CDH23: variants seen among roughly 807,000 people sequenced by gnomAD.
CDH23 encodes the protein cadherin related 23.
CDH23 carries 189 observed loss-of-function variants against 317.1 expected under a neutral mutation model. That is an observed-to-expected ratio of 0.60 (90% CI 0.53 to 0.67). The LOEUF (loss-of-function observed/expected upper bound fraction) is 0.67, where lower values mean the gene tolerates loss of function less well. Among genes scored for constraint, CDH23 ranks in the 30% least tolerant of loss-of-function variants. The pLI, the probability that CDH23 is intolerant of heterozygous loss-of-function variation, is 0.00. For missense variants in CDH23, 4,401 were observed against 4,592.4 expected (o/e 0.96, Z 1.20); for synonymous variants, 1,839 against 1,876.8 (o/e 0.98, Z 0.52).
chr10:71,788,701 C>T (rs1056840877), intron 44 of CDH23, among the ~76,000 whole-genome samples: 1 of 152,160 alleles, frequency 6.6e-6, no homozygotes, highest in African/African-American at 2.4e-5. Context: ...GTGATCTGCC[C>T]GTCTTGGCCT....
chr10:71,605,242 CTT>C (rs36101075), intron 9 of CDH23, among the ~76,000 whole-genome samples: 1 of 147,760 alleles, frequency 6.8e-6, no homozygotes, highest in South Asian at 2.1e-4. Context: ...TTGTATTGAC[CTT>C]TTTTTTTTAA....
At position 71,724,081 on chromosome 10, in the gene CDH23, C is replaced by T. The variant is rs996942254; in HGVS notation, c.3406C>T (p.Arg1136Cys). ...GGACGCAGATGAGGGCGAGTTTGGG[C>T]GTGTGTGGTACCGCATCCTCCATGG... ...ATDADEGEFG[R>C]VWYRILHGNH... Residue 1136 changes from arginine to cysteine, a missense_variant, in exon 29 of 70, where the codon CGT (arginine) becomes TGT (cysteine). Transcript: ENST00000224721. The T allele has an allele frequency of 6.4e-6, 10 of 1,559,774 alleles. No homozygotes were observed. Among genetic ancestry groups the T allele is most frequent in the Non-Finnish European group, 8.7e-6 (10 of 1,151,624 alleles).
At chr10:71,569,870 T>C (rs1857661282) in intron 7 of CDH23, among the ~76,000 whole-genome samples, 1 of 151,790 alleles carries the variant, frequency 6.6e-6, no homozygotes, top group African/African-American at 2.4e-5. Context: ...TTTGGAGTTT[T>C]CTTTCTTGCC....
chr10:71,658,942 GGCT>G (rs1863529814), intron 14 of CDH23, among the ~76,000 whole-genome samples: 1 of 152,140 alleles, frequency 6.6e-6, no homozygotes, highest in South Asian at 2.1e-4. Flanking sequence ...GCAGGTCCAT[GGCT>G]GAAGGGGCCT....
intron 6 of CDH23, among the ~76,000 whole-genome samples, chr10:71,557,444 G>A (rs911025341): frequency 1.3e-5 from 2 of 152,108 alleles, no homozygotes; most frequent in Non-Finnish European, 2.9e-5. Flanking sequence ...ATGTGGGGTG[G>A]GCATTGGAGA....
chr10:71,543,247 A>C (rs1856082345), intron 6 of CDH23, among the ~76,000 whole-genome samples: 1 of 152,186 alleles, frequency 6.6e-6, no homozygotes, highest in Non-Finnish European at 1.5e-5. Flanking sequence ...TCACTTCTGC[A>C]GCCCAGTATG....
intron 9 of CDH23, among the ~76,000 whole-genome samples, chr10:71,602,592 G>C (rs1055721355): frequency 6.6e-6 from 1 of 152,054 alleles, no homozygotes; most frequent in Non-Finnish European, 1.5e-5. Flanking sequence ...GAAGTTTCAG[G>C]GGCACCAACC....
chr10:71,472,527 C>G (rs1851571515), intron 3 of CDH23, among the ~76,000 whole-genome samples: 1 of 152,242 alleles, frequency 6.6e-6, no homozygotes, highest in African/African-American at 2.4e-5. Flanking sequence ...GGACTGTCCC[C>G]TCTGCTTGTA....
chr10:71,734,600 C>A lies in CDH23; in HGVS notation c.4207-56C>A. The stretch of plus-strand genomic sequence containing the variant: ...TCTGGAAGAGCCACAGACGGCTAAC[C>A]ATTTGCATCTTTGCCTTTTCTCTCA... On this transcript the variant is annotated intron_variant, in intron 33 of 69. Transcript: ENST00000224721. 3.8e-6 allele frequency: 6 copies of A among 1,588,202 alleles called. No homozygotes were observed. The South Asian group carries it at 4.4e-5, about 12-fold the overall frequency.
At chr10:71,810,806 C>T (rs879664748) in intron 62 of CDH23, among the ~76,000 whole-genome samples, 1 of 152,084 alleles carries the variant, frequency 6.6e-6, no homozygotes, top group African/African-American at 2.4e-5. Context: ...TCAGGCCATG[C>T]GCAGTGGCTC....
At chr10:71,661,905 G>A (rs58207531) in intron 14 of CDH23, among the ~76,000 whole-genome samples, 2,584 of 113,502 alleles carry the variant, frequency 0.023, 121 homozygotes, top group African/African-American at 0.084. Context: ...CCCACCCAGC[G>A]CGCCCCCTTC....
Position 71,810,010 on chromosome 10 carries a change from CGAG to C in CDH23, c.8920_8922del (p.Glu2974del), listed in dbSNP as rs775037111. 12 of 1,612,570 alleles carry C rather than the reference CGAG, an allele frequency of 7.4e-6. No individual in the cohort carries two copies. Among genetic ancestry groups the C allele is most frequent in the East Asian group, 2.2e-5 (1 of 44,888 alleles). ...AGATCCCCGACCGTGTGCGCGGCTT[CGAG>C]GAGGAGTTCATCCACCTGCTCTCCA... On this transcript the variant is annotated inframe_deletion, in exon 61 of 70. Coordinates refer to ENST00000224721, the MANE Select transcript of CDH23 (RefSeq NM_022124.6).
At chr10:71,611,186 C>T (rs1011943725) in intron 9 of CDH23, among the ~76,000 whole-genome samples, 2 of 152,066 alleles carry the variant, frequency 1.3e-5, no homozygotes, top group Non-Finnish European at 1.5e-5. Context: ...AAGCCCACAG[C>T]GCCTGTGGAG....
At chr10:71,722,369 G>A (rs1338553234) in intron 28 of CDH23, among the ~76,000 whole-genome samples, 2 of 152,232 alleles carry the variant, frequency 1.3e-5, no homozygotes, top group Non-Finnish European at 2.9e-5. Context: ...CAAACAGGGA[G>A]CGAGGCACAG....
Position 71,706,961 on chromosome 10 carries a change from G to C in CDH23, c.3018G>C (p.Glu1006Asp). Residue 1006 changes from glutamate to aspartate, a missense_variant, in exon 26 of 70, where the codon GAG (glutamate) becomes GAC (aspartate). Physicochemically the swap from Glu to Asp is conservative, Grantham distance 45. Coordinates refer to ENST00000224721, the MANE Select transcript of CDH23 (RefSeq NM_022124.6). Reference protein sequence around the residue: ...FPAVYNVSVSEDVPREFRVVW... With the variant: ...FPAVYNVSVSDDVPREFRVVW... ...CCGTGTACAATGTGTCTGTGTCCGA[G>C]GACGTGCCACGCGAGTTCCGGGTGG... is the stretch of plus-strand genomic sequence containing the variant. 6.2e-7 allele frequency: 1 copy of C among 1,607,562 alleles called. No homozygotes were observed. The highest frequency in any genetic ancestry group is 8.5e-7 in the Non-Finnish European group (1 of 1,177,272).
chr10:71,729,742 CTT>C (rs1350330452), intron 30 of CDH23, among the ~76,000 whole-genome samples: 1 of 152,196 alleles, frequency 6.6e-6, no homozygotes, highest in Non-Finnish European at 1.5e-5. Context: ...ATTGGGATCA[CTT>C]TGAATTTTTT....
At chr10:71,678,807 TCATGCAACATG>T (rs1265556639) in intron 16 of CDH23, among the ~76,000 whole-genome samples, 22 of 152,224 alleles carry the variant, frequency 1.4e-4, no homozygotes, top group African/African-American at 5.3e-4. Flanking sequence ...CTCCTTGCTT[TCATGCAACATG>T]CATGGATTAG....
chr10:71,800,888 A>G (rs1841539884), intron 53 of CDH23, 133 bp downstream of exon 53: 4 of 1,263,782 alleles, frequency 3.2e-6, no homozygotes, highest in Admixed American at 4.4e-5. Flanking sequence ...CAGTGACAGA[A>G]AGGAGAAGGC....
chr10:71,727,287 T>C (rs1251411584), intron 30 of CDH23, among the ~76,000 whole-genome samples: 2 of 152,144 alleles, frequency 1.3e-5, no homozygotes. Context: ...CCTGTCCCCT[T>C]AACCACTACA....
Sources: gnomAD v4.1 joint callset for allele counts (sites outside exome capture counted in the v4.1 genomes callset) on GRCh38, gnomAD v4.1.1 for gene constraint, MANE v1.5 for transcripts, NCBI Gene and HGNC (gene_info 2026-07-23, HGNC 2026-07-21) for gene names.